RNF150: variants seen among roughly 807,000 people sequenced by gnomAD.
RNF150 encodes the protein ring finger protein 150.
Under a neutral mutation model 39.3 loss-of-function variants are expected in RNF150, and 24 were observed. The ratio of observed to expected loss-of-function variants is 0.61; its 90% CI spans 0.44 to 0.86. The LOEUF is 0.86. Ranked by LOEUF, RNF150 falls within the 40% of genes least tolerant of loss-of-function variation. The pLI, the probability that RNF150 is intolerant of heterozygous loss-of-function variation, is 0.00. For missense variants in RNF150, 502 were observed against 587.8 expected (o/e 0.85, Z 1.51); for synonymous variants, 255 against 227.3 (o/e 1.12, Z -1.10).
At chr4:140,965,172 C>T (rs1229826298) in intron 2 of RNF150, among the ~76,000 whole-genome samples, 1 of 151,992 alleles carries the variant, frequency 6.6e-6, no homozygotes, top group African/African-American at 2.4e-5. Flanking sequence ...AATGGAAATG[C>T]TAAAACCACT....
chr4:140,872,212 T>C (rs1728974803), intron 6 of RNF150, among the ~76,000 whole-genome samples: 1 of 152,228 alleles, frequency 6.6e-6, no homozygotes, highest in African/African-American at 2.4e-5. Flanking sequence ...GTGGTACTAA[T>C]TGGGGACTAT....
intron 1 of RNF150, among the ~76,000 whole-genome samples, chr4:141,182,929 T>C (rs1283820391): frequency 6.6e-6 from 1 of 151,274 alleles, no homozygotes; most frequent in Non-Finnish European, 1.5e-5. Flanking sequence ...GACTTCAAAC[T>C]ATACTACAAG....
At chr4:141,164,774 C>A (rs1727571759) in intron 1 of RNF150, among the ~76,000 whole-genome samples, 1 of 152,182 alleles carries the variant, frequency 6.6e-6, no homozygotes, top group African/African-American at 2.4e-5. Context: ...TTGTCACCAC[C>A]AGGCTTGCCT....
chr4:141,106,913 A>G (rs1426764617), intron 1 of RNF150, among the ~76,000 whole-genome samples: 1 of 152,190 alleles, frequency 6.6e-6, no homozygotes, highest in Non-Finnish European at 1.5e-5. Flanking sequence ...ATCAAATGAA[A>G]TCAGGTAGAG....
intron 4 of RNF150, 93 bp downstream of exon 4, chr4:140,947,561 C>A (rs538560527): frequency 2.5e-5 from 21 of 824,554 alleles, no homozygotes; most frequent in Non-Finnish European, 4.1e-5. Flanking sequence ...ACTGACCTGG[C>A]AGCACTATGC....
chr4:141,151,727 C>A (rs1727306654), intron 1 of RNF150, among the ~76,000 whole-genome samples: 1 of 152,042 alleles, frequency 6.6e-6, no homozygotes, highest in Non-Finnish European at 1.5e-5. Context: ...TCTTGTTTGG[C>A]AGGGTTTTTG....
chr4:140,928,815 G>A lies in RNF150; in HGVS notation c.891-2742C>T, dbSNP rs145855342. On this transcript the variant is annotated intron_variant, in intron 4 of 6. Coordinates refer to ENST00000515673, the MANE Select transcript of RNF150 (RefSeq NM_020724.2). ...CCCGCCTCAGCCTCCCAAAGTGCTA[G>A]GATTACAGGCGTGAGCCACCGCGCC... Among the ~76,000 whole-genome samples the A allele has an allele frequency of 9.4e-4, 143 of 152,280 alleles. 1 individual carries two copies. Among genetic ancestry groups the A allele is most frequent in the African/African-American group, 3.3e-3 (137 of 41,554 alleles).
chr4:141,198,728 A>G (rs961703706), intron 1 of RNF150, among the ~76,000 whole-genome samples: 1 of 152,210 alleles, frequency 6.6e-6, no homozygotes, highest in Middle Eastern at 3.2e-3. Context: ...TAAAAGTTTT[A>G]TTGCTCAGTT....
intron 4 of RNF150, among the ~76,000 whole-genome samples, chr4:140,945,686 T>A (rs1578992411): frequency 6.6e-6 from 1 of 150,590 alleles, no homozygotes; most frequent in East Asian, 1.9e-4. Context: ...GTAAATAAAC[T>A]ATTTTATACT....
At chr4:140,924,361 T>C (rs1731299517) in intron 5 of RNF150, among the ~76,000 whole-genome samples, 1 of 152,222 alleles carries the variant, frequency 6.6e-6, no homozygotes, top group South Asian at 2.1e-4. Flanking sequence ...TCTGCAGAAG[T>C]TATACCTCCA....
At chr4:140,975,073 C>T (rs551226849) in intron 1 of RNF150, among the ~76,000 whole-genome samples, 346 of 152,046 alleles carry the variant, frequency 2.3e-3, no homozygotes, top group African/African-American at 8.1e-3. Flanking sequence ...CTGGACAACA[C>T]GGCGAAACCC....
At chr4:141,181,359 A>G (rs571222684) in intron 1 of RNF150, among the ~76,000 whole-genome samples, 1 of 152,342 alleles carries the variant, frequency 6.6e-6, no homozygotes, top group Admixed American at 6.5e-5. Context: ...GAATCCATAT[A>G]ATATTCCTGT....
chr4:140,922,858 C>T (rs560875482), intron 5 of RNF150, among the ~76,000 whole-genome samples: 1 of 149,644 alleles, frequency 6.7e-6, no homozygotes, highest in African/African-American at 2.6e-5. Context: ...TGACAAAAAC[C>T]AGAAATGGGG....
At chr4:141,133,963 A>G, upstream of RNF150, among the ~76,000 whole-genome samples, 1 of 152,206 alleles carries the variant, frequency 6.6e-6, no homozygotes. Context: ...ACAAGTTCCC[A>G]GGTGGTGCTG....
intron 1 of RNF150, among the ~76,000 whole-genome samples, chr4:140,997,389 A>G (rs141269066): frequency 0.076 from 11,511 of 152,074 alleles, 489 homozygotes; most frequent in Middle Eastern, 0.16. Context: ...TTGGGAGGCC[A>G]AGGCGGGTGG....
intron 1 of RNF150, among the ~76,000 whole-genome samples, chr4:141,063,409 TTA>T (rs1737317345): frequency 1.3e-5 from 2 of 152,172 alleles, no homozygotes; most frequent in Non-Finnish European, 2.9e-5. Flanking sequence ...GCCATTTAGG[TTA>T]TGCCAAAATT....
At position 141,022,235 on chromosome 4, in the gene RNF150, C is replaced by T. The variant is rs1311933590; in HGVS notation, c.485-54362G>A. Among the ~76,000 whole-genome samples the T allele has an allele frequency of 3.3e-5, 5 of 151,078 alleles. No homozygotes were observed. The South Asian group carries it at 6.3e-4, about 19-fold the overall frequency. On this transcript the variant is annotated intron_variant, in intron 1 of 6. Transcript: ENST00000515673. ...TTTTTTTTATTTTTTATTCTTTTTTCCTGCAGGCTGGTGGAATAACAGCTC... is the reference window on the plus strand; with the variant it reads ...TTTTTTTTATTTTTTATTCTTTTTTTCTGCAGGCTGGTGGAATAACAGCTC...
intron 1 of RNF150, 93 bp from the exon 2 acceptor site, chr4:140,967,966 A>G (rs1733316810): frequency 9.1e-7 from 1 of 1,095,322 alleles, no homozygotes; most frequent in Non-Finnish European, 1.3e-6. Context: ...ACACGAAACC[A>G]AATAAGGACA....
At chr4:141,195,281 G>A (rs1374142674) in intron 1 of RNF150, among the ~76,000 whole-genome samples, 1 of 152,142 alleles carries the variant, frequency 6.6e-6, no homozygotes, top group African/African-American at 2.4e-5. Context: ...CTAGGATTAT[G>A]TAAAAAGCCC....
Sources: gnomAD v4.1 joint callset for allele counts (sites outside exome capture counted in the v4.1 genomes callset) on GRCh38, gnomAD v4.1.1 for gene constraint, MANE v1.5 for transcripts, NCBI Gene and HGNC (gene_info 2026-07-23, HGNC 2026-07-21) for gene names.